MSS51: variants seen among roughly 807,000 people sequenced by gnomAD.
The protein encoded by MSS51 is putative protein MSS51 homolog, mitochondrial.
MSS51 carries 32 observed loss-of-function variants against 40.2 expected under a neutral mutation model. The observed-to-expected ratio is 0.80, with a 90% CI of 0.60 to 1.07. The LOEUF is 1.07. MSS51 is among the 50% of genes least tolerant of loss of function. The probability of loss-of-function intolerance (pLI) is 0.00; values close to 1 mark genes in which losing one functional copy is unlikely to be tolerated. For synonymous variants in MSS51, 178 were observed against 214.2 expected, an observed-to-expected ratio of 0.83 and a Z score of 1.48; for missense variants, 518 against 568.9, an observed-to-expected ratio of 0.91 and a Z score of 0.91.
In MSS51 at chr10:73,424,581, A is replaced by C; in HGVS notation, c.1355T>G (p.Leu452Ter). The change falls in exon 7 of 7, where the codon TTA becomes TGA. Residue 452 changes from leucine (L) to a stop codon, truncating the protein, a stop_gained. Transcript: ENST00000299432. LOFTEE classifies it high-confidence loss of function. ...AATCCCGCCGTCCACTTTCTCTTCT[A>C]ATTGCCTATTATCCAGCTGACAGGA... The part of the protein sequence containing the change: ...GSSCQLDNRQ[L>*]EEKVDGGI 6.2e-7 allele frequency: 1 copy of C among 1,613,918 alleles called. No individual in the cohort carries two copies. Among genetic ancestry groups the C allele is most frequent in the Non-Finnish European group, 8.5e-7 (1 of 1,179,836 alleles).
At chr10:73,426,519 T>C (rs2055989562) in intron 4 of MSS51, 88 bp downstream of exon 4, 4 of 1,597,468 alleles carry the variant, frequency 2.5e-6, no homozygotes, top group Non-Finnish European at 2.6e-6. Flanking sequence ...ACTTCCTCAT[T>C]TTTTCATAAC....
chr10:73,427,272 C>CTTTTTTTTT (rs1163470061), intron 3 of MSS51, among the ~76,000 whole-genome samples: 2 of 86,074 alleles, frequency 2.3e-5, no homozygotes, highest in Admixed American at 1.4e-4. Flanking sequence ...AAGGTCATTG[C>CTTTTTTTTT]TTTTTTTTTT....
In MSS51 at chr10:73,423,974, A is replaced by C. The variant is rs2055962397; in HGVS notation, c.*579T>G. 1 of 152,460 alleles carries C rather than the reference A, an allele frequency of 6.6e-6. No homozygotes were observed. The highest frequency in any genetic ancestry group is 6.5e-5 in the Admixed American group (1 of 15,312). The allele number at this position is 152,460 out of a possible 1,614,324, so 9.4% of individuals were successfully genotyped here. On this transcript the variant is annotated 3_prime_UTR_variant, in exon 7 of 7. Transcript: ENST00000299432. The stretch of plus-strand genomic sequence containing the variant: ...CAGTCAAAAGGTAAACTTCTTTACA[A>C]AGAAAAGTGTTAGCAACTATAAGCT...
At chr10:73,427,272 CTT>C (rs1163470061) in intron 3 of MSS51, among the ~76,000 whole-genome samples, 180 of 86,052 alleles carry the variant, frequency 2.1e-3, no homozygotes, top group Middle Eastern at 0.019. Flanking sequence ...AAGGTCATTG[CTT>C]TTTTTTTTTT....
chr10:73,428,852 T>C lies in MSS51; in HGVS notation c.-17-551A>G, dbSNP rs941536442. 3.6e-4 allele frequency among the ~76,000 whole-genome samples: 55 copies of C among 151,802 alleles called. 1 individual carries two copies. Among genetic ancestry groups the C allele is most frequent in the East Asian group, 9.6e-4 (5 of 5,200 alleles). The stretch of plus-strand genomic sequence containing the variant: ...AAGTCCTATACATTATATATATATA[T>C]ACACACACATATATATATATAAGTA... On this transcript the variant is annotated intron_variant, in intron 1 of 6. Transcript: ENST00000299432.
At chr10:73,433,122 T>G (rs1032438869) in intron 1 of MSS51, among the ~76,000 whole-genome samples, 1 of 152,116 alleles carries the variant, frequency 6.6e-6, no homozygotes, top group Non-Finnish European at 1.5e-5. Flanking sequence ...CTAGAAAAAC[T>G]TTTATCCTTC....
chr10:73,425,825 G>A lies in MSS51; in HGVS notation c.1055C>T (p.Ala352Val), dbSNP rs368130143. The A allele has an allele frequency of 1.7e-5, 27 of 1,612,762 alleles. No individual in the cohort carries two copies. Among genetic ancestry groups the A allele is most frequent in the South Asian group, 1.2e-4 (11 of 90,986 alleles). ...ATGACTCTTACCTGGATGGAATGCC[G>A]CCACCAAATCTGGATGGTGTGTCTG... is the stretch of plus-strand genomic sequence containing the variant. ...TGQTHHPDLV[A>V]AFHPGFHSSP... is the part of the protein sequence containing the mutation. The change falls in exon 5 of 7, where the codon GCG (alanine) becomes GTG (valine). Residue 352 changes from alanine to valine, a missense_variant. By Grantham distance (64) the Ala-to-Val change is moderately conservative (BLOSUM62 0). Transcript: ENST00000299432.
At chr10:73,427,924 A>T in intron 2 of MSS51, 140 bp downstream of exon 2, 1 of 1,195,092 alleles carries the variant, frequency 8.4e-7, no homozygotes, top group Non-Finnish European at 1.2e-6. Context: ...CTTTTATAGT[A>T]ATATAGTAAC....
At position 73,426,744 on chromosome 10, in the gene MSS51, G is replaced by C; in HGVS notation, c.378-13C>G. On this transcript the variant is annotated splice_polypyrimidine_tract_variant and intron_variant, in intron 3 of 6. Transcript: ENST00000299432. ...GACATTTCTGCACCTGAGAGAATGA[G>C]AGAGAAATAGTTCTTATACTATAAA... The C allele has an allele frequency of 6.2e-7, 1 of 1,613,662 alleles. No homozygotes were observed. The highest frequency in any genetic ancestry group is 8.5e-7 in the Non-Finnish European group (1 of 1,179,806).
At position 73,424,363 on chromosome 10, in the gene MSS51, C is replaced by G. The variant is rs1218900298; in HGVS notation, c.*190G>C. Reference sequence around the variant, plus strand: ...CTGCACTCCAGCCTGGGCAACAGAGCAAGACTCCATCTCAAAAAAAGAAAG... The same window carrying G: ...CTGCACTCCAGCCTGGGCAACAGAGGAAGACTCCATCTCAAAAAAAGAAAG... On this transcript the variant is annotated 3_prime_UTR_variant, in exon 7 of 7. Coordinates refer to ENST00000299432, the MANE Select transcript of MSS51 (RefSeq NM_001024593.2). The G allele has an allele frequency of 1.8e-6, 1 of 560,982 alleles. No homozygotes were observed. The highest frequency in any genetic ancestry group is 3.2e-6 in the Non-Finnish European group (1 of 313,476). 34.8% of individuals were successfully genotyped at this position (560,982 alleles called of 1,614,324 possible).
chr10:73,424,944 G>A (rs1589673876), intron 6 of MSS51, 154 bp downstream of exon 6: 2 of 783,482 alleles, frequency 2.6e-6, no homozygotes, highest in East Asian at 2.5e-5. Flanking sequence ...CCATTAACTA[G>A]CAAAGGACTG....
chr10:73,425,640 C>T (rs1267229241), intron 5 of MSS51, among the ~76,000 whole-genome samples, 171 bp downstream of exon 5: 10 of 140,292 alleles, frequency 7.1e-5, no homozygotes, highest in African/African-American at 2.4e-4. Context: ...CCAGCCTGGG[C>T]GACAGAGCGA....
intron 1 of MSS51, among the ~76,000 whole-genome samples, chr10:73,432,715 T>C (rs2056036936): frequency 6.6e-6 from 1 of 152,094 alleles, no homozygotes; most frequent in Non-Finnish European, 1.5e-5. Context: ...TACAAATGAG[T>C]TAGCTTTCTG....
In MSS51 at chr10:73,426,285, C is replaced by G; in HGVS notation, c.595G>C (p.Asp199His). 6.2e-7 allele frequency: 1 copy of G among 1,610,362 alleles called. No homozygotes were observed. The highest frequency in any genetic ancestry group is 8.5e-7 in the Non-Finnish European group (1 of 1,180,026). ...ACTAGCACAGCATCCAATGTAGCAT[C>G]TAGGTGTAACCCCTTCATAGAAAAC... ...SWFSMKGLHL[D>H]ATLDAVLVSH... The change falls in exon 5 of 7, where the codon GAT (aspartate) becomes CAT (histidine). Residue 199 changes from aspartate to histidine, a missense_variant. By Grantham distance (81) the Asp-to-His change is moderately conservative. Coordinates refer to ENST00000299432, the MANE Select transcript of MSS51 (RefSeq NM_001024593.2).
rs1554820205 is a variant in MSS51 at position 73,424,786 on chromosome 10, A to C, written c.1164-14T>G. 3.1e-6 allele frequency: 5 copies of C among 1,601,318 alleles called. No individual in the cohort carries two copies. The highest frequency in any genetic ancestry group is 4.3e-6 in the Non-Finnish European group (5 of 1,168,376). Reference sequence around the variant, plus strand: ...AACTCCTGATGGCTGTAGAAGAGAGAGAAGAAAAATTACTCTACTGATTGT... The same window carrying C: ...AACTCCTGATGGCTGTAGAAGAGAGCGAAGAAAAATTACTCTACTGATTGT... On this transcript the variant is annotated splice_polypyrimidine_tract_variant and intron_variant, in intron 6 of 6. Coordinates refer to ENST00000299432, the MANE Select transcript of MSS51 (RefSeq NM_001024593.2).
chr10:73,427,566 T>C, intron 3 of MSS51, 47 bp downstream of exon 3: 1 of 1,562,370 alleles, frequency 6.4e-7, no homozygotes, highest in Non-Finnish European at 8.7e-7. Context: ...GCCCGGCTAA[T>C]ACAGGATCAT....
chr10:73,427,469 G>C (rs2055997508), intron 3 of MSS51, 144 bp downstream of exon 3: 1 of 751,672 alleles, frequency 1.3e-6, no homozygotes, highest in Non-Finnish European at 2.2e-6. Context: ...GTAGAGACAG[G>C]GTTTTGCTGT....
At position 73,428,313 on chromosome 10, in the gene MSS51, A is replaced by G. The variant is rs2056005261; in HGVS notation, c.-17-12T>C. ...CTGTCCAGTGATACCTGGAGATTAT[A>G]TGCAGAATAGACATGGAATGGAATT... is the stretch of plus-strand genomic sequence containing the variant. On this transcript the variant is annotated splice_polypyrimidine_tract_variant and intron_variant, in intron 1 of 6. Transcript: ENST00000299432. 2 of 1,562,900 alleles carry G rather than the reference A, an allele frequency of 1.3e-6. No homozygotes were observed. The highest frequency in any genetic ancestry group is 4.5e-5 in the East Asian group (2 of 44,392).
intron 1 of MSS51, among the ~76,000 whole-genome samples, chr10:73,432,353 A>C (rs887657440): frequency 6.6e-6 from 1 of 152,102 alleles, no homozygotes; most frequent in Non-Finnish European, 1.5e-5. Flanking sequence ...CCACTTTCTT[A>C]AACCTTGAAA....
Sources: gnomAD v4.1 joint callset for allele counts (sites outside exome capture counted in the v4.1 genomes callset) on GRCh38, gnomAD v4.1.1 for gene constraint, MANE v1.5 for transcripts, NCBI Gene and HGNC (gene_info 2026-07-23, HGNC 2026-07-21) for gene names.